The following PRKCH variants were observed in gnomAD, a reference collection of about 807,000 sequenced individuals.
PRKCH encodes protein kinase C eta.
Under a neutral mutation model 82.5 loss-of-function variants are expected in PRKCH, and 28 were observed. The observed-to-expected ratio is 0.34, with a 90% CI of 0.25 to 0.47. The LOEUF (loss-of-function observed/expected upper bound fraction) is 0.47, where lower values mean the gene tolerates loss of function less well. PRKCH is among the 20% of genes least tolerant of loss of function. The pLI is 1.00. For missense variants in PRKCH, 705 were observed against 881.8 expected, an observed-to-expected ratio of 0.80 and a Z score of 2.54; for synonymous variants, 322 against 327.4, an observed-to-expected ratio of 0.98 and a Z score of 0.18.
At chr14:61,193,150 C>T (rs1047151839) in intron 1 of PRKCH, among the ~76,000 whole-genome samples, 2 of 152,170 alleles carry the variant, frequency 1.3e-5, no homozygotes, top group African/African-American at 4.8e-5. Flanking sequence ...TTATGGACAT[C>T]TGGATTGATG....
At chr14:61,436,682 G>A (rs1053237046) in intron 2 of PRKCH, among the ~76,000 whole-genome samples, 1 of 152,030 alleles carries the variant, frequency 6.6e-6, no homozygotes. Context: ...ACAGGTGCCC[G>A]CCACCAGGCC....
intron 1 of PRKCH, among the ~76,000 whole-genome samples, chr14:61,272,575 A>T (rs978831330): frequency 6.6e-6 from 1 of 151,748 alleles, no homozygotes; most frequent in Admixed American, 6.6e-5. Flanking sequence ...GCTGGTCTCT[A>T]TATCTCCTGA....
chr14:61,343,559 T>C (rs999791232), intron 1 of PRKCH, among the ~76,000 whole-genome samples: 1 of 151,426 alleles, frequency 6.6e-6, no homozygotes, highest in Non-Finnish European at 1.5e-5. Flanking sequence ...CGATGATAGA[T>C]TTTTTTTTAT....
At chr14:61,496,048 C>T (rs1319609710) in intron 10 of PRKCH, among the ~76,000 whole-genome samples, 1 of 152,090 alleles carries the variant, frequency 6.6e-6, no homozygotes, top group African/African-American at 2.4e-5. Flanking sequence ...TAGGCCAAGT[C>T]CTTGGAGGGA....
chr14:61,508,317 G>T (rs1460608322), intron 10 of PRKCH, among the ~76,000 whole-genome samples: 1 of 152,072 alleles, frequency 6.6e-6, no homozygotes, highest in Non-Finnish European at 1.5e-5. Context: ...TCCTGTTTCA[G>T]AAGTATCAAA....
chr14:61,536,948 C>A (rs182143805), intron 12 of PRKCH, among the ~76,000 whole-genome samples: 2 of 152,258 alleles, frequency 1.3e-5, no homozygotes, highest in Non-Finnish European at 2.9e-5. Context: ...GGGTAGTGGA[C>A]AAAGGACTTG....
intron 1 of PRKCH, among the ~76,000 whole-genome samples, chr14:61,369,471 G>C (rs76874814): frequency 1.3e-5 from 2 of 151,982 alleles, no homozygotes; most frequent in Non-Finnish European, 2.9e-5. Context: ...GCTTTGCTTC[G>C]CGTCAGAAAT....
chr14:61,341,913 C>T (rs2045933930), intron 1 of PRKCH, among the ~76,000 whole-genome samples: 1 of 152,126 alleles, frequency 6.6e-6, no homozygotes, highest in South Asian at 2.1e-4. Flanking sequence ...TGTCTTGGTT[C>T]CCGTTGTATT....
rs559717019 is a variant in PRKCH at position 61,190,741 on chromosome 14, C to T, written c.-19+3073C>T. 1.6e-3 allele frequency among the ~76,000 whole-genome samples: 251 copies of T among 152,250 alleles called. 1 individual carries two copies. Among genetic ancestry groups the T allele is most frequent in the African/African-American group, 5.6e-3 (232 of 41,540 alleles). On this transcript the variant is annotated intron_variant, in intron 1 of 3. Coordinates refer to the PRKCH transcript ENST00000555185. ...GGACGCTCCCCGCTCTGAGGCTCTGCACTCACTGTTCCTGGCCTGAAACTC... is the reference window on the plus strand; with the variant it reads ...GGACGCTCCCCGCTCTGAGGCTCTGTACTCACTGTTCCTGGCCTGAAACTC...
chr14:61,327,048 A>G (rs570587280), intron 1 of PRKCH: 14 of 456,006 alleles, frequency 3.1e-5, no homozygotes, highest in South Asian at 2.2e-4. Flanking sequence ...GCGTCATGGA[A>G]AGACCTTGGC....
intron 1 of PRKCH, among the ~76,000 whole-genome samples, chr14:61,271,696 GA>G (rs749443295): frequency 1.3e-5 from 2 of 152,144 alleles, no homozygotes; most frequent in Non-Finnish European, 2.9e-5. Flanking sequence ...TTGTTGTGAG[GA>G]GTACAATGTG....
intron 1 of PRKCH, among the ~76,000 whole-genome samples, chr14:61,384,477 G>A (rs2046557658): frequency 6.6e-6 from 1 of 151,192 alleles, no homozygotes; most frequent in Non-Finnish European, 1.5e-5. Context: ...TGATTCTTTG[G>A]CAAAGAAGAT....
chr14:61,228,403 CCCT>C (rs2044714589), intron 1 of PRKCH, among the ~76,000 whole-genome samples: 1 of 152,196 alleles, frequency 6.6e-6, no homozygotes, highest in Non-Finnish European at 1.5e-5. Flanking sequence ...GAGCCCTCCT[CCCT>C]CCTCATAGCA....
chr14:61,246,858 G>T (rs1250400147), intron 1 of PRKCH, among the ~76,000 whole-genome samples: 1 of 152,154 alleles, frequency 6.6e-6, no homozygotes, highest in African/African-American at 2.4e-5. Flanking sequence ...AATGTGCTGG[G>T]ATTACAGATG....
intron 1 of PRKCH, among the ~76,000 whole-genome samples, chr14:61,380,450 C>T (rs2046488742): frequency 6.6e-6 from 1 of 152,082 alleles, no homozygotes; most frequent in South Asian, 2.1e-4. Flanking sequence ...ACCAAGAGTC[C>T]TCTCCTGGTT....
chr14:61,522,561 G>A (rs772379435), intron 10 of PRKCH, among the ~76,000 whole-genome samples: 5 of 152,028 alleles, frequency 3.3e-5, no homozygotes, highest in African/African-American at 4.8e-5. Context: ...CCTTCTTTCT[G>A]TCTCTTCACT....
intron 1 of PRKCH, among the ~76,000 whole-genome samples, chr14:61,328,256 C>CAAAAAAAAAAAAAAAAAAAAAAA (rs71117811): frequency 1.3e-5 from 1 of 74,378 alleles, no homozygotes; most frequent in Non-Finnish European, 2.3e-5. Context: ...GACTCCGTCT[C>CAAAAAAAAAAAAAAAAAAAAAAA]AAAAAAAAAA....
chr14:61,538,786 G>A (rs1222490800), intron 12 of PRKCH, among the ~76,000 whole-genome samples: 1 of 152,150 alleles, frequency 6.6e-6, no homozygotes, highest in African/African-American at 2.4e-5. Context: ...AACTATCAAA[G>A]GTCAGTAATT....
At chr14:61,490,916 T>C (rs965544488) in intron 10 of PRKCH, among the ~76,000 whole-genome samples, 2 of 151,874 alleles carry the variant, frequency 1.3e-5, no homozygotes, top group African/African-American at 4.8e-5. Context: ...AGACCCTGTC[T>C]CAAAAAAACA....
Sources: allele counts gnomAD v4.1 joint callset (sites outside exome capture counted in the v4.1 genomes callset), GRCh38; gene constraint gnomAD v4.1.1; transcripts MANE v1.5; gene names NCBI Gene and HGNC (gene_info 2026-07-23, HGNC 2026-07-21).